SBF2: variants seen among roughly 807,000 people sequenced by gnomAD.
SBF2 encodes the protein SET binding factor 2.
Under a neutral mutation model 225.2 loss-of-function variants are expected in SBF2, and 112 were observed. The observed-to-expected ratio is 0.50, with a 90% CI of 0.43 to 0.58. The LOEUF (loss-of-function observed/expected upper bound fraction) is 0.58, where lower values mean the gene tolerates loss of function less well. Among genes scored for constraint, SBF2 ranks in the 20% least tolerant of loss-of-function variants. The pLI, the probability that SBF2 is intolerant of heterozygous loss-of-function variation, is 0.00. For missense variants in SBF2, 1,996 were observed against 2,206.2 expected (o/e 0.90, Z 1.91); for synonymous variants, 763 against 773.3 (o/e 0.99, Z 0.22).
intron 32 of SBF2, among the ~76,000 whole-genome samples, chr11:9,806,344 T>C (rs1853846672): frequency 6.6e-6 from 1 of 152,188 alleles, no homozygotes; most frequent in African/African-American, 2.4e-5. Flanking sequence ...AATGGTGGTA[T>C]ACGGAGGCAG....
chr11:10,100,573 C>A (rs1431110069), intron 2 of SBF2, among the ~76,000 whole-genome samples: 2 of 152,180 alleles, frequency 1.3e-5, no homozygotes, highest in Non-Finnish European at 2.9e-5. Flanking sequence ...TCTGTAGCTC[C>A]ATGGCAGGGT....
chr11:9,967,110 G>A (rs11820719), intron 14 of SBF2, among the ~76,000 whole-genome samples: 1,821 of 152,298 alleles, frequency 0.012, 38 homozygotes, highest in African/African-American at 0.041. Flanking sequence ...AGAGGCTCAC[G>A]CCTGTAATCC....
chr11:10,222,738 A>T (rs1958384300), intron 1 of SBF2, among the ~76,000 whole-genome samples: 1 of 152,168 alleles, frequency 6.6e-6, no homozygotes, highest in Non-Finnish European at 1.5e-5. Context: ...CATTAATTCA[A>T]CAAATATTTA....
intron 32 of SBF2, among the ~76,000 whole-genome samples, chr11:9,802,566 G>T (rs1853553517): frequency 6.6e-6 from 1 of 152,210 alleles, no homozygotes; most frequent in South Asian, 2.1e-4. Context: ...GTGTAATTTT[G>T]AACCTGTTTT....
upstream of SBF2, among the ~76,000 whole-genome samples, chr11:10,294,362 G>C (rs537734020): frequency 3.8e-3 from 582 of 152,198 alleles, 4 homozygotes; most frequent in South Asian, 5.4e-3. Flanking sequence ...GGTCGGGCGT[G>C]TTCCCGCCAC....
At chr11:10,174,018 C>T (rs1455802748) in intron 2 of SBF2, among the ~76,000 whole-genome samples, 9 of 151,844 alleles carry the variant, frequency 5.9e-5, no homozygotes, top group African/African-American at 1.7e-4. Flanking sequence ...TGTACATCAC[C>T]ATCATCAAAG....
At chr11:10,153,949 A>AT (rs1023876922) in intron 2 of SBF2, among the ~76,000 whole-genome samples, 4 of 151,950 alleles carry the variant, frequency 2.6e-5, no homozygotes, top group South Asian at 2.1e-4. Flanking sequence ...ATCTTTATAC[A>AT]TTTTTTTTAA....
chr11:9,869,819 C>T (rs1360402089), intron 17 of SBF2, among the ~76,000 whole-genome samples: 1 of 152,106 alleles, frequency 6.6e-6, no homozygotes, highest in East Asian at 1.9e-4. Flanking sequence ...TCTCACAACT[C>T]CTATTCAACA....
chr11:10,118,123 C>G (rs759084372), intron 2 of SBF2, among the ~76,000 whole-genome samples: 7 of 152,184 alleles, frequency 4.6e-5, no homozygotes, highest in Non-Finnish European at 8.8e-5. Context: ...TTTCCTTTCA[C>G]CTCACCCACA....
chr11:10,208,967 T>A (rs1957840124), intron 1 of SBF2, among the ~76,000 whole-genome samples: 1 of 152,156 alleles, frequency 6.6e-6, no homozygotes, highest in African/African-American at 2.4e-5. Context: ...ATTTTTTAAA[T>A]ACAACATTTT....
intron 2 of SBF2, among the ~76,000 whole-genome samples, chr11:10,095,674 A>G (rs1951986645): frequency 6.6e-6 from 1 of 152,216 alleles, no homozygotes; most frequent in African/African-American, 2.4e-5. Context: ...GGTTTAAAAG[A>G]AAGTTCCATG....
At chr11:10,135,709 T>C (rs747881290) in intron 2 of SBF2, among the ~76,000 whole-genome samples, 2 of 152,194 alleles carry the variant, frequency 1.3e-5, no homozygotes, top group Admixed American at 6.5e-5. Flanking sequence ...TTCATTTCCA[T>C]TTGAGACCAC....
chr11:10,106,571 G>A (rs1409242314), intron 2 of SBF2, among the ~76,000 whole-genome samples: 1 of 150,000 alleles, frequency 6.7e-6, no homozygotes, highest in East Asian at 2.0e-4. Flanking sequence ...AGAGGTTGCA[G>A]TGAGCCAAAA....
chr11:9,938,360 C>G (rs1320425447), intron 16 of SBF2, among the ~76,000 whole-genome samples: 6 of 150,248 alleles, frequency 4.0e-5, no homozygotes, highest in Non-Finnish European at 8.9e-5. Context: ...AATGCAATTC[C>G]AAATGGTTTG....
chr11:10,000,124 C>G (rs543612012), intron 8 of SBF2, among the ~76,000 whole-genome samples: 1 of 152,208 alleles, frequency 6.6e-6, no homozygotes, highest in Non-Finnish European at 1.5e-5. Context: ...GTTGGAAACA[C>G]TTTTACTGGG....
intron 16 of SBF2, among the ~76,000 whole-genome samples, chr11:9,940,247 C>CA (rs1372576813): frequency 2.6e-5 from 4 of 151,772 alleles, no homozygotes; most frequent in Non-Finnish European, 5.9e-5. Flanking sequence ...ACTAAAAATA[C>CA]AAAAAAAATT....
chr11:10,033,648 G>A (rs1949339076), intron 3 of SBF2, among the ~76,000 whole-genome samples: 1 of 135,460 alleles, frequency 7.4e-6, no homozygotes. Context: ...AAAGCAAAAT[G>A]TACTGCTGTG....
chr11:9,870,340 T>A (rs995178987), intron 17 of SBF2, among the ~76,000 whole-genome samples: 2 of 152,158 alleles, frequency 1.3e-5, no homozygotes, highest in Non-Finnish European at 2.9e-5. Context: ...TCTTCACAGA[T>A]TTAGAAAATA....
intron 2 of SBF2, among the ~76,000 whole-genome samples, chr11:10,105,692 T>C (rs1952514809): frequency 1.3e-5 from 2 of 152,218 alleles, no homozygotes; most frequent in African/African-American, 2.4e-5. Context: ...TTAGTCTTCT[T>C]TGCAGCCAGG....
Sources: allele counts gnomAD v4.1 joint callset (sites outside exome capture counted in the v4.1 genomes callset), GRCh38; gene constraint gnomAD v4.1.1; transcripts MANE v1.5; gene names NCBI Gene and HGNC (gene_info 2026-07-23, HGNC 2026-07-21).